Variants in ELAVL4 observed in about 807,000 individuals in gnomAD.
The protein encoded by ELAVL4 is ELAV like RNA binding protein 4, also known as ELAV-like protein 4.
In ELAVL4, 1 loss-of-function variant was observed where a neutral mutation model predicts 35.6. The ratio of observed to expected loss-of-function variants is 0.03; its 90% CI spans 0.01 to 0.13. The LOEUF (loss-of-function observed/expected upper bound fraction) is 0.13, where lower values mean the gene tolerates loss of function less well. Among genes scored for constraint, ELAVL4 ranks in the 10% least tolerant of loss-of-function variants. The pLI, the probability that ELAVL4 is intolerant of heterozygous loss-of-function variation, is 1.00. For missense variants in ELAVL4, 267 were observed against 464.9 expected (o/e 0.57, Z 3.91); for synonymous variants, 156 against 171.0 (o/e 0.91, Z 0.69).
At chr1:50,133,627 G>GAAAGAAAGAAAGA (rs1553174523) in intron 1 of ELAVL4, among the ~76,000 whole-genome samples, 11 of 149,002 alleles carry the variant, frequency 7.4e-5, no homozygotes, top group African/African-American at 1.2e-4. Context: ...AAGAAAGAAA[G>GAAAGAAAGAAAGA]AAAGAAAGAA....
intron 1 of ELAVL4, among the ~76,000 whole-genome samples, chr1:50,122,957 C>T (rs1669274398): frequency 6.6e-6 from 1 of 151,988 alleles, no homozygotes; most frequent in Non-Finnish European, 1.5e-5. Flanking sequence ...ATTTGGTAGT[C>T]TGTAAATATG....
At chr1:50,149,125 C>T (rs1466041916) in intron 2 of ELAVL4, among the ~76,000 whole-genome samples, 3 of 152,130 alleles carry the variant, frequency 2.0e-5, no homozygotes, top group Admixed American at 6.5e-5. Context: ...AGGCCAGGCG[C>T]AGTGACTCAC....
intron 1 of ELAVL4, among the ~76,000 whole-genome samples, chr1:50,085,450 C>T (rs1665197537): frequency 6.6e-6 from 1 of 152,182 alleles, no homozygotes; most frequent in Non-Finnish European, 1.5e-5. Flanking sequence ...AGAAGAGCGG[C>T]AAGTAGAGGT....
intron 1 of ELAVL4, among the ~76,000 whole-genome samples, chr1:50,079,214 ACTACAC>A (rs1204148411): frequency 2.6e-5 from 4 of 152,134 alleles, no homozygotes; most frequent in Admixed American, 2.6e-4. Context: ...GGTGTGTGCC[ACTACAC>A]CTAGCTCTCC....
chr1:50,181,761 G>C (rs1182131224), intron 3 of ELAVL4, among the ~76,000 whole-genome samples: 4 of 152,212 alleles, frequency 2.6e-5, no homozygotes, highest in African/African-American at 9.7e-5. Flanking sequence ...TGGGCTCACA[G>C]CAACCTCTGC....
intron 1 of ELAVL4, among the ~76,000 whole-genome samples, chr1:50,140,895 G>A (rs1337606773): frequency 1.3e-5 from 2 of 152,170 alleles, no homozygotes; most frequent in African/African-American, 2.4e-5. Flanking sequence ...TCAGTAGTGA[G>A]CATTGTATCT....
intron 1 of ELAVL4, among the ~76,000 whole-genome samples, chr1:50,058,962 G>A (rs1411940766): frequency 1.3e-5 from 2 of 151,938 alleles, no homozygotes; most frequent in African/African-American, 2.4e-5. Flanking sequence ...CTGGTTAATG[G>A]CACCACCATT....
chr1:50,053,802 C>T (rs779124801), intron 1 of ELAVL4, among the ~76,000 whole-genome samples: 4 of 151,908 alleles, frequency 2.6e-5, no homozygotes, highest in Admixed American at 1.3e-4. Flanking sequence ...TCATAGAGCA[C>T]GTTAGACAGT....
At chr1:50,125,985 A>G (rs941158712) in intron 1 of ELAVL4, among the ~76,000 whole-genome samples, 1 of 152,102 alleles carries the variant, frequency 6.6e-6, no homozygotes, top group Admixed American at 6.6e-5. Context: ...CTTGTTTAGA[A>G]GATGAACTAA....
At chr1:50,175,314 T>C (rs1415924872) in intron 2 of ELAVL4, 1 of 152,106 alleles carries the variant, frequency 6.6e-6, no homozygotes, top group Non-Finnish European at 1.5e-5. Flanking sequence ...TGTATTTTTG[T>C]ATTTGCAAAA....
chr1:50,067,118 A>G (rs1190364712), intron 1 of ELAVL4, among the ~76,000 whole-genome samples: 3 of 152,132 alleles, frequency 2.0e-5, no homozygotes, highest in African/African-American at 7.2e-5. Flanking sequence ...TCCCCAAGAA[A>G]TTGACAGGTG....
intron 3 of ELAVL4, among the ~76,000 whole-genome samples, chr1:50,188,642 C>T (rs1417789627): frequency 1.3e-5 from 2 of 152,170 alleles, no homozygotes; most frequent in African/African-American, 4.8e-5. Flanking sequence ...TGCTCTAGAC[C>T]CCACAGGCCG....
intron 2 of ELAVL4, among the ~76,000 whole-genome samples, chr1:50,165,740 A>G (rs1156898358): frequency 3.0e-5 from 4 of 133,012 alleles, no homozygotes; most frequent in South Asian, 2.6e-4. Flanking sequence ...ATATGTGTGT[A>G]TATATACATA....
chr1:50,081,748 A>G (rs1260329109), intron 1 of ELAVL4, among the ~76,000 whole-genome samples: 1 of 152,182 alleles, frequency 6.6e-6, no homozygotes, highest in Non-Finnish European at 1.5e-5. Flanking sequence ...TTACATAGGT[A>G]TACACGTGCT....
intron 3 of ELAVL4, among the ~76,000 whole-genome samples, chr1:50,182,831 A>G (rs375935260): frequency 3.9e-5 from 6 of 152,192 alleles, no homozygotes; most frequent in South Asian, 2.1e-4. Context: ...TTCCTAAGCC[A>G]ACAGTGTTAA....
chr1:50,148,720 G>T (rs943919568), intron 2 of ELAVL4, among the ~76,000 whole-genome samples: 1 of 152,144 alleles, frequency 6.6e-6, no homozygotes, highest in African/African-American at 2.4e-5. Context: ...GAAAACAAAG[G>T]AAGTGTCATG....
chr1:50,116,919 T>G (rs2148567936), intron 1 of ELAVL4, among the ~76,000 whole-genome samples: 1 of 152,256 alleles, frequency 6.6e-6, no homozygotes, highest in South Asian at 2.1e-4. Flanking sequence ...GATAGTACAG[T>G]TCCCACAAGT....
At chr1:50,148,352 T>C (rs1170812233) in intron 2 of ELAVL4, among the ~76,000 whole-genome samples, 1 of 152,146 alleles carries the variant, frequency 6.6e-6, no homozygotes, top group East Asian at 1.9e-4. Context: ...GGAGAGTCTA[T>C]CTAATGTACC....
At chr1:50,198,647 T>C (rs979117870) in intron 6 of ELAVL4, among the ~76,000 whole-genome samples, 21 of 152,220 alleles carry the variant, frequency 1.4e-4, no homozygotes, top group African/African-American at 4.8e-4. Context: ...CCTAGCTCTA[T>C]CTCATTCCTT....
Sources: gnomAD v4.1 joint callset for allele counts (sites outside exome capture counted in the v4.1 genomes callset) on GRCh38, gnomAD v4.1.1 for gene constraint, MANE v1.5 for transcripts, NCBI Gene and HGNC (gene_info 2026-07-23, HGNC 2026-07-21) for gene names.